The following SDK1 variants were observed in gnomAD, a reference collection of about 807,000 sequenced individuals.
SDK1 encodes the protein protein sidekick-1.
SDK1 carries 157 observed loss-of-function variants against 245.5 expected under a neutral mutation model. The observed-to-expected ratio is 0.64, with a 90% CI of 0.56 to 0.73. The LOEUF is 0.73. SDK1 is among the 30% of genes least tolerant of loss of function. The probability of loss-of-function intolerance (pLI) is 0.00; values close to 1 mark genes in which losing one functional copy is unlikely to be tolerated. For missense variants in SDK1, 3,583 were observed against 3,002.3 expected (o/e 1.19, Z -4.52); for synonymous variants, 1,647 against 1,278.5 (o/e 1.29, Z -6.15).
intron 1 of SDK1, among the ~76,000 whole-genome samples, chr7:3,325,396 T>C (rs1779916868): frequency 6.6e-6 from 1 of 152,160 alleles, no homozygotes; most frequent in Non-Finnish European, 1.5e-5. Flanking sequence ...ATGAAATAAG[T>C]AATTTTACTT....
At chr7:3,368,098 T>A (rs753576726) in intron 1 of SDK1, among the ~76,000 whole-genome samples, 2 of 152,244 alleles carry the variant, frequency 1.3e-5, no homozygotes, top group Non-Finnish European at 2.9e-5. Context: ...CATATTTTTG[T>A]AAGTATATTA....
At chr7:4,025,724 C>T (rs955902243) in intron 17 of SDK1, among the ~76,000 whole-genome samples, 4 of 152,134 alleles carry the variant, frequency 2.6e-5, no homozygotes, top group Non-Finnish European at 5.9e-5. Context: ...AAACACAGGG[C>T]TTATTGTTCC....
chr7:3,355,552 C>T (rs972274290), intron 1 of SDK1, among the ~76,000 whole-genome samples: 6 of 152,168 alleles, frequency 3.9e-5, no homozygotes, highest in Non-Finnish European at 2.9e-5. Context: ...CCGTTCTTTG[C>T]ATCACCTTCT....
rs1382798326 is a variant in SDK1 at position 3,830,457 on chromosome 7, G to C, written c.847+8874G>C. On this transcript the variant is annotated intron_variant, in intron 5 of 44. Transcript: ENST00000404826. ...GCATAAGAGTTCTTTAATTTTAGCA[G>C]TTTGGGGGCTAGAACTTAAAGTAAC... Among the ~76,000 whole-genome samples, 3 of 152,044 alleles carry C rather than the reference G, an allele frequency of 2.0e-5. No homozygotes were observed. The East Asian group carries it at 5.8e-4, about 29-fold the overall frequency.
At chr7:3,954,960 AT>A (rs138475287) in intron 7 of SDK1, among the ~76,000 whole-genome samples, 12 of 148,640 alleles carry the variant, frequency 8.1e-5, no homozygotes, top group African/African-American at 2.2e-4. Context: ...CTATGAAACC[AT>A]TTTTTTTTTC....
chr7:3,581,582 G>A (rs1441828803), intron 1 of SDK1, among the ~76,000 whole-genome samples: 1 of 152,178 alleles, frequency 6.6e-6, no homozygotes, highest in Non-Finnish European at 1.5e-5. Flanking sequence ...GTGGAAGGCA[G>A]TGTGGTGATT....
chr7:3,974,978 G>C (rs903325825), intron 13 of SDK1, among the ~76,000 whole-genome samples: 1 of 152,172 alleles, frequency 6.6e-6, no homozygotes, highest in African/African-American at 2.4e-5. Context: ...TGGGGTTTCA[G>C]TGAGTCCCAG....
At chr7:3,665,231 C>T (rs962932168) in intron 4 of SDK1, among the ~76,000 whole-genome samples, 4 of 152,220 alleles carry the variant, frequency 2.6e-5, no homozygotes, top group Non-Finnish European at 4.4e-5. Flanking sequence ...GCACGCAGAG[C>T]AGTCCACTAT....
intron 5 of SDK1, among the ~76,000 whole-genome samples, chr7:3,916,193 A>T (rs1057505449): frequency 1.3e-5 from 2 of 152,332 alleles, no homozygotes; most frequent in Non-Finnish European, 1.5e-5. Flanking sequence ...CAGTGGTCAC[A>T]TTCCTGTGAA....
intron 1 of SDK1, among the ~76,000 whole-genome samples, chr7:3,390,085 G>C (rs1017052280): frequency 1.4e-4 from 22 of 152,142 alleles, no homozygotes; most frequent in African/African-American, 5.3e-4. Context: ...AAGTGATGAA[G>C]TTGGCTATTT....
chr7:3,958,043 C>T (rs992500398), intron 7 of SDK1: 1 of 470,260 alleles, frequency 2.1e-6, no homozygotes, highest in South Asian at 1.6e-5. Flanking sequence ...CTTTTAGGTC[C>T]CACCTTGTTT....
At chr7:3,398,200 C>A (rs1778777542) in intron 1 of SDK1, among the ~76,000 whole-genome samples, 2 of 152,124 alleles carry the variant, frequency 1.3e-5, no homozygotes, top group African/African-American at 4.8e-5. Context: ...GCTTTTTTCT[C>A]CTTTATTTTC....
In SDK1 at chr7:4,233,512, G is replaced by A. The variant is rs187262371; in HGVS notation, c.5992+93G>A. On this transcript the variant is annotated intron_variant, in intron 41 of 44. Transcript: ENST00000404826. ...CCAGGGAGGTCTGTCTTCTCCTGAA[G>A]GGTGGGAGGGAGAAATGGGGTCGAG... is the stretch of plus-strand genomic sequence containing the variant. The A allele has an allele frequency of 7.2e-6, 9 of 1,257,230 alleles. No homozygotes were observed. In the African/African-American group the frequency reaches 1.2e-4, roughly 17 times the overall value. 77.9% of individuals were successfully genotyped at this position (1,257,230 alleles called of 1,614,324 possible).
chr7:3,608,852 A>G (rs999459259), intron 1 of SDK1, among the ~76,000 whole-genome samples: 1 of 152,214 alleles, frequency 6.6e-6, no homozygotes, highest in Admixed American at 6.5e-5. Context: ...ATTAACAAAA[A>G]TATTCACAGC....
At chr7:3,688,767 C>T (rs1484654574) in intron 4 of SDK1, among the ~76,000 whole-genome samples, 1 of 152,216 alleles carries the variant, frequency 6.6e-6, no homozygotes, top group Non-Finnish European at 1.5e-5. Context: ...GCTGAAAGCA[C>T]AGGCTGAGGA....
intron 2 of SDK1, among the ~76,000 whole-genome samples, chr7:3,630,677 A>G (rs896747699): frequency 2.0e-5 from 3 of 152,196 alleles, no homozygotes; most frequent in Non-Finnish European, 4.4e-5. Context: ...AATCTGAAGT[A>G]AGGATAAATC....
intron 4 of SDK1, among the ~76,000 whole-genome samples, chr7:3,758,860 C>T (rs1011912914): frequency 2.0e-4 from 30 of 152,174 alleles, no homozygotes; most frequent in African/African-American, 7.0e-4. Context: ...CCCATGTATA[C>T]ACACAAGTCT....
At chr7:4,117,450 G>A (rs1317231370) in intron 25 of SDK1, among the ~76,000 whole-genome samples, 3 of 152,144 alleles carry the variant, frequency 2.0e-5, no homozygotes, top group East Asian at 1.9e-4. Flanking sequence ...CCTGGCCAAC[G>A]GAGCAGGTTA....
At chr7:3,363,001 C>T (rs1780994355) in intron 1 of SDK1, among the ~76,000 whole-genome samples, 1 of 152,080 alleles carries the variant, frequency 6.6e-6, no homozygotes, top group South Asian at 2.1e-4. Flanking sequence ...ATCAGTTTCC[C>T]CTTATGGTGG....
Sources: gnomAD v4.1 joint callset for allele counts (sites outside exome capture counted in the v4.1 genomes callset) on GRCh38, gnomAD v4.1.1 for gene constraint, MANE v1.5 for transcripts, NCBI Gene and HGNC (gene_info 2026-07-23, HGNC 2026-07-21) for gene names.